ZFHX3: variants seen among roughly 807,000 people sequenced by gnomAD.
ZFHX3 encodes the protein zinc finger homeobox 3, also known as zinc finger homeobox protein 3.
Under a neutral mutation model 279.1 loss-of-function variants are expected in ZFHX3, and 42 were observed. The observed-to-expected ratio is 0.15, with a 90% CI of 0.12 to 0.19. The LOEUF (loss-of-function observed/expected upper bound fraction) is 0.19, where lower values mean the gene tolerates loss of function less well. Among genes scored for constraint, ZFHX3 ranks in the 10% least tolerant of loss-of-function variants. ZFHX3 has a pLI of 1.00. For missense variants in ZFHX3, 4,981 were observed against 4,754.0 expected, an observed-to-expected ratio of 1.05 and a Z score of -1.40; for synonymous variants, 2,293 against 1,957.8, an observed-to-expected ratio of 1.17 and a Z score of -4.52.
At chr16:73,327,527 C>T (rs1159463638) in intron 3 of ZFHX3, among the ~76,000 whole-genome samples, 2 of 152,146 alleles carry the variant, frequency 1.3e-5, no homozygotes, top group Admixed American at 6.5e-5. Context: ...CCTATGATGC[C>T]CACTTTTAAT....
intron 1 of ZFHX3, among the ~76,000 whole-genome samples, chr16:73,791,262 GC>G (rs1323128094): frequency 6.6e-6 from 1 of 152,044 alleles, no homozygotes; most frequent in Non-Finnish European, 1.5e-5. Flanking sequence ...ACCGTGCCCA[GC>G]CCCAACTTCT....
intron 3 of ZFHX3, among the ~76,000 whole-genome samples, chr16:73,434,154 G>A (rs1356201162): frequency 6.6e-6 from 1 of 152,180 alleles, no homozygotes; most frequent in Non-Finnish European, 1.5e-5. Context: ...TCTATTTGCT[G>A]ATCGATCTTG....
At chr16:73,527,798 G>T (rs1027429335) in intron 2 of ZFHX3, among the ~76,000 whole-genome samples, 2 of 152,160 alleles carry the variant, frequency 1.3e-5, no homozygotes, top group Admixed American at 6.5e-5. Flanking sequence ...CACCAGTCAC[G>T]TGTGTGAACT....
chr16:73,040,404 T>C (rs190500974), intron 1 of ZFHX3, among the ~76,000 whole-genome samples: 1 of 152,248 alleles, frequency 6.6e-6, no homozygotes, highest in Admixed American at 6.5e-5. Context: ...TATTTGCATA[T>C]AAATGCCTCC....
At chr16:73,345,757 C>T (rs976130537) in intron 3 of ZFHX3, among the ~76,000 whole-genome samples, 4 of 152,042 alleles carry the variant, frequency 2.6e-5, no homozygotes, top group African/African-American at 9.7e-5. Context: ...TATATACACC[C>T]AGTAATGGGA....
chr16:73,666,781 G>A (rs2052846946), intron 2 of ZFHX3, among the ~76,000 whole-genome samples: 1 of 151,650 alleles, frequency 6.6e-6, no homozygotes, highest in Admixed American at 6.6e-5. Flanking sequence ...CATCTGCCCT[G>A]TCCTGCCCTT....
intron 4 of ZFHX3, among the ~76,000 whole-genome samples, chr16:73,317,006 T>G (rs992808264): frequency 3.5e-4 from 54 of 152,196 alleles, no homozygotes; most frequent in African/African-American, 1.3e-3. Context: ...CAGAGGAACT[T>G]GGAGACTAGC....
chr16:73,369,446 G>A (rs1361452344), intron 3 of ZFHX3, among the ~76,000 whole-genome samples: 1 of 152,248 alleles, frequency 6.6e-6, no homozygotes, highest in African/African-American at 2.4e-5. Context: ...AGCACCCATG[G>A]TGGGAATCGA....
chr16:73,760,420 C>A (rs1000507559), intron 1 of ZFHX3, among the ~76,000 whole-genome samples: 1 of 152,132 alleles, frequency 6.6e-6, no homozygotes, highest in Non-Finnish European at 1.5e-5. Flanking sequence ...AAGAGGGAAT[C>A]CTCCCTAAAT....
intron 6 of ZFHX3, among the ~76,000 whole-genome samples, chr16:73,139,218 G>A (rs1966839946): frequency 6.6e-6 from 1 of 152,186 alleles, no homozygotes; most frequent in African/African-American, 2.4e-5. Context: ...GGAATGCAAT[G>A]CAGTCATTGC....
chr16:73,070,934 GCGCGCACA>G (rs1260583419), intron 8 of ZFHX3, among the ~76,000 whole-genome samples: 2,441 of 69,044 alleles, frequency 0.035, 59 homozygotes, highest in East Asian at 0.069. Flanking sequence ...GCGCGCGCGC[GCGCGCACA>G]CACACACACA....
intron 5 of ZFHX3, among the ~76,000 whole-genome samples, chr16:73,219,204 T>C (rs1400694488): frequency 6.6e-6 from 1 of 152,198 alleles, no homozygotes; most frequent in Non-Finnish European, 1.5e-5. Context: ...TCAATGGACA[T>C]TTAGGTTCTT....
intron 1 of ZFHX3, among the ~76,000 whole-genome samples, chr16:73,849,187 T>C (rs1210915375): frequency 6.6e-6 from 1 of 152,242 alleles, no homozygotes; most frequent in Non-Finnish European, 1.5e-5. Context: ...CAGTCGCTCC[T>C]TAGGCGGGCC....
At chr16:73,014,518 C>CTTCTTT (rs1964028587) in intron 1 of ZFHX3, 1 of 63,366 alleles carries the variant, frequency 1.6e-5, no homozygotes, top group African/African-American at 6.3e-5. Flanking sequence ...ATTTCTTCTT[C>CTTCTTT]TTTTTTTTTT....
At chr16:72,823,636 G>A (rs1190897740) in intron 5 of ZFHX3, among the ~76,000 whole-genome samples, 1 of 152,158 alleles carries the variant, frequency 6.6e-6, no homozygotes. Context: ...CCACAGACAA[G>A]AGAAATCTGG....
At chr16:73,050,895 C>T (rs1965435613), upstream of ZFHX3, among the ~76,000 whole-genome samples, 1 of 152,210 alleles carries the variant, frequency 6.6e-6, no homozygotes, top group Non-Finnish European at 1.5e-5. Context: ...GCGCTAACCC[C>T]TTCCCTACTC....
intron 1 of ZFHX3, among the ~76,000 whole-genome samples, chr16:73,032,539 C>T (rs1161763473): frequency 2.6e-5 from 4 of 152,158 alleles, no homozygotes; most frequent in Admixed American, 2.6e-4. Flanking sequence ...ACCTAGAAAA[C>T]TTCTCTTCGT....
intron 4 of ZFHX3, chr16:73,257,252 T>C (rs527639134): frequency 3.0e-4 from 46 of 152,362 alleles, no homozygotes; most frequent in African/African-American, 1.0e-3. Context: ...TCAAACTAGA[T>C]TGAGGTGTTA....
intron 2 of ZFHX3, among the ~76,000 whole-genome samples, chr16:73,537,107 C>A (rs960360202): frequency 6.6e-6 from 1 of 151,974 alleles, no homozygotes; most frequent in Non-Finnish European, 1.5e-5. Flanking sequence ...CAGTTATGAC[C>A]AATTGAATTT....
Sources: gnomAD v4.1 joint callset for allele counts (sites outside exome capture counted in the v4.1 genomes callset) on GRCh38, gnomAD v4.1.1 for gene constraint, MANE v1.5 for transcripts, NCBI Gene and HGNC (gene_info 2026-07-23, HGNC 2026-07-21) for gene names.